The following DENND1B variants were observed in gnomAD, a reference collection of about 807,000 sequenced individuals.
DENND1B encodes DENN domain containing 1B.
In DENND1B, 59 loss-of-function variants were observed where a neutral mutation model predicts 90.1. The observed-to-expected ratio is 0.65, with a 90% confidence interval of 0.53 to 0.81. DENND1B has a LOEUF of 0.81. DENND1B is among the 40% of genes least tolerant of loss of function. The pLI, the probability that DENND1B is intolerant of heterozygous loss-of-function variation, is 0.00. For synonymous variants in DENND1B, 337 were observed against 324.6 expected (o/e 1.04, Z -0.41); for missense variants, 862 against 912.6 (o/e 0.94, Z 0.71).
At chr1:197,523,928 C>A (rs145845027) in intron 20 of DENND1B, among the ~76,000 whole-genome samples, 2 of 143,274 alleles carry the variant, frequency 1.4e-5, no homozygotes, top group African/African-American at 5.2e-5. Context: ...ATAGATGGAA[C>A]GATAGCAGAG....
intron 5 of DENND1B, among the ~76,000 whole-genome samples, chr1:197,659,240 A>G (rs1430141561): frequency 3.3e-5 from 5 of 151,660 alleles, no homozygotes; most frequent in African/African-American, 1.2e-4. Flanking sequence ...AATAGTACAT[A>G]CACATAACAT....
intron 13 of DENND1B, chr1:197,606,132 A>C (rs1022614998): frequency 4.6e-5 from 7 of 151,180 alleles, no homozygotes; most frequent in Non-Finnish European, 1.0e-4. Context: ...TAGCCATTAA[A>C]ATATATACAG....
chr1:197,578,053 C>T (rs1162614439), intron 15 of DENND1B, among the ~76,000 whole-genome samples: 1 of 152,058 alleles, frequency 6.6e-6, no homozygotes, highest in Non-Finnish European at 1.5e-5. Context: ...TAGTTGGTAG[C>T]TTCTGCTTTG....
intron 15 of DENND1B, among the ~76,000 whole-genome samples, chr1:197,576,179 G>C (rs1014403755): frequency 6.6e-6 from 1 of 152,176 alleles, no homozygotes; most frequent in South Asian, 2.1e-4. Context: ...GGCTATGGCG[G>C]AATGACAGGA....
intron 2 of DENND1B, among the ~76,000 whole-genome samples, chr1:197,772,389 A>C (rs1656735660): frequency 6.6e-6 from 1 of 151,682 alleles, no homozygotes; most frequent in Non-Finnish European, 1.5e-5. Flanking sequence ...GCAAAGACTT[A>C]ACACCTATTT....
intron 14 of DENND1B, among the ~76,000 whole-genome samples, chr1:197,594,161 T>C (rs1189492406): frequency 2.0e-5 from 3 of 152,128 alleles, no homozygotes; most frequent in Admixed American, 6.5e-5. Context: ...GCTGAACTTA[T>C]AAAAATAGCA....
At chr1:197,516,491 T>C (rs1348531383) in intron 20 of DENND1B, among the ~76,000 whole-genome samples, 1 of 151,758 alleles carries the variant, frequency 6.6e-6, no homozygotes, top group Non-Finnish European at 1.5e-5. Context: ...AGAATAGCAG[T>C]AGAGATAATC....
rs370951684 is a variant in DENND1B at position 197,647,055 on chromosome 1, C to A, written c.507G>T (p.Pro169=). Residue 169 remains proline, a splice_region_variant and synonymous_variant, in exon 8 of 23, where the codon CCG becomes CCT. Coordinates refer to ENST00000620048, the MANE Select transcript of DENND1B (RefSeq NM_001195215.2). ...AGAAGCCAATGTCCTTTTAACTCACCGGTACTAGAGCAGGCTGATCTTTCA... is the reference window on the plus strand; with the variant it reads ...AGAAGCCAATGTCCTTTTAACTCACAGGTACTAGAGCAGGCTGATCTTTCA... The part of the protein sequence containing the change: ...QVLKDQPALV[P]HSYFIAPDVT... The A allele has an allele frequency of 2.0e-6, 3 of 1,466,596 alleles. No homozygotes were observed. The highest frequency in any genetic ancestry group is 2.7e-6 in the Non-Finnish European group (3 of 1,116,818). 90.8% of individuals were successfully genotyped at this position (1,466,596 alleles called of 1,614,324 possible).
Position 197,509,026 on chromosome 1 carries a change from G to T in DENND1B, c.*1434C>A, listed in dbSNP as rs899955686. ...CTTCCAAAAATGACAGCATGGAAAG[G>T]GCAGGAAGAACTTTAGAGTGACAAA... On this transcript the variant is annotated 3_prime_UTR_variant, in exon 23 of 23. Coordinates refer to ENST00000620048, the MANE Select transcript of DENND1B (RefSeq NM_001195215.2). The T allele has an allele frequency of 6.6e-6, 1 of 151,662 alleles. No homozygotes were observed. The highest frequency in any genetic ancestry group is 2.4e-5 in the African/African-American group (1 of 41,328). 9.4% of individuals were successfully genotyped at this position (151,662 alleles called of 1,614,324 possible).
At chr1:197,653,676 A>G (rs1329929116) in intron 6 of DENND1B, among the ~76,000 whole-genome samples, 2 of 152,074 alleles carry the variant, frequency 1.3e-5, no homozygotes, top group Non-Finnish European at 2.9e-5. Context: ...GAAAGCCAAA[A>G]TTATATAAAT....
At chr1:197,581,611 A>G (rs1674248859) in intron 15 of DENND1B, among the ~76,000 whole-genome samples, 2 of 152,174 alleles carry the variant, frequency 1.3e-5, no homozygotes, top group Admixed American at 1.3e-4. Context: ...ACTCATGTAA[A>G]ACAGATATTC....
chr1:197,595,094 A>G, intron 14 of DENND1B, 114 bp downstream of exon 14: 1 of 1,341,234 alleles, frequency 7.5e-7, no homozygotes, highest in South Asian at 1.5e-5. Context: ...ATCTTAAAAG[A>G]TTTCCATGAT....
chr1:197,728,092 C>A (rs1383471325), intron 2 of DENND1B, among the ~76,000 whole-genome samples: 1 of 152,064 alleles, frequency 6.6e-6, no homozygotes, highest in Non-Finnish European at 1.5e-5. Context: ...CATAGCAGTT[C>A]TCAACCCTTT....
At chr1:197,638,873 T>A (rs200831655) in intron 10 of DENND1B, among the ~76,000 whole-genome samples, 4 of 150,568 alleles carry the variant, frequency 2.7e-5, no homozygotes, top group Non-Finnish European at 4.4e-5. Flanking sequence ...ATCAACAGAA[T>A]AAAAAAAAAC....
At chr1:197,694,331 T>C (rs560856212) in intron 3 of DENND1B, among the ~76,000 whole-genome samples, 239 of 151,602 alleles carry the variant, frequency 1.6e-3, no homozygotes, top group African/African-American at 5.7e-3. Context: ...ATGCCAATTT[T>C]GCAAGACTTT....
intron 13 of DENND1B, among the ~76,000 whole-genome samples, chr1:197,598,745 T>C (rs1675933638): frequency 1.3e-5 from 2 of 151,860 alleles, no homozygotes; most frequent in Admixed American, 1.3e-4. Flanking sequence ...TTTTCTCTTT[T>C]TATTCTTAAG....
At chr1:197,529,323 T>C (rs1466177956) in intron 20 of DENND1B, among the ~76,000 whole-genome samples, 5 of 148,600 alleles carry the variant, frequency 3.4e-5, no homozygotes, top group African/African-American at 5.1e-5. Context: ...TATATATGTG[T>C]GTATATATAT....
intron 13 of DENND1B, among the ~76,000 whole-genome samples, 157 bp from the exon 14 acceptor site, chr1:197,595,490 G>T (rs1302161965): frequency 6.6e-6 from 1 of 152,064 alleles, no homozygotes; most frequent in Admixed American, 6.6e-5. Flanking sequence ...AGCACCTGCT[G>T]GTCTGTTAAT....
At chr1:197,736,150 A>G in intron 2 of DENND1B, 4 of 616,934 alleles carry the variant, frequency 6.5e-6, no homozygotes, top group Non-Finnish European at 8.7e-6. Context: ...GGACTTAAAA[A>G]AAAAAAAAGA....
Sources: allele counts gnomAD v4.1 joint callset (sites outside exome capture counted in the v4.1 genomes callset), GRCh38; gene constraint gnomAD v4.1.1; transcripts MANE v1.5; gene names NCBI Gene and HGNC (gene_info 2026-07-23, HGNC 2026-07-21).